Variants in SPNS3 observed in about 807,000 individuals in gnomAD.
SPNS3 encodes the protein protein spinster homolog 3.
Under a neutral mutation model 54.4 loss-of-function variants are expected in SPNS3, and 51 were observed. The observed-to-expected ratio is 0.94, with a 90% CI of 0.75 to 1.18. The LOEUF (loss-of-function observed/expected upper bound fraction) is 1.18, where lower values mean the gene tolerates loss of function less well. Among genes scored for constraint, SPNS3 ranks in the 50% most tolerant of loss-of-function variants. The pLI, the probability that SPNS3 is intolerant of heterozygous loss-of-function variation, is 0.00. For synonymous variants in SPNS3, 309 were observed against 294.7 expected, an observed-to-expected ratio of 1.05 and a Z score of -0.50; for missense variants, 669 against 677.4, an observed-to-expected ratio of 0.99 and a Z score of 0.14.
At chr17:4,445,666 C>A (rs928370099) in intron 3 of SPNS3, among the ~76,000 whole-genome samples, 2 of 152,114 alleles carry the variant, frequency 1.3e-5, no homozygotes, top group Non-Finnish European at 2.9e-5. Context: ...CGTGAGCCAC[C>A]ATGCCTGGCC....
At chr17:4,462,829 C>T in intron 8 of SPNS3, among the ~76,000 whole-genome samples, 1 of 145,082 alleles carries the variant, frequency 6.9e-6, no homozygotes, top group Non-Finnish European at 1.5e-5. Flanking sequence ...ATCCATCCAT[C>T]CATCCATTCA....
chr17:4,464,921 TC>T (rs1476012133), intron 8 of SPNS3, among the ~76,000 whole-genome samples: 1 of 152,166 alleles, frequency 6.6e-6, no homozygotes, highest in African/African-American at 2.4e-5. Context: ...CCTCAGGTGA[TC>T]CACCCGCCTC....
intron 7 of SPNS3, among the ~76,000 whole-genome samples, chr17:4,451,622 A>G (rs1157024377): frequency 6.6e-6 from 1 of 152,060 alleles, no homozygotes; most frequent in Non-Finnish European, 1.5e-5. Flanking sequence ...TCAAGAGTTC[A>G]CAGTGGGCAC....
chr17:4,434,386 A>G (rs985462653), intron 1 of SPNS3, among the ~76,000 whole-genome samples: 3 of 152,330 alleles, frequency 2.0e-5, no homozygotes, highest in Non-Finnish European at 4.4e-5. Flanking sequence ...CAGGCTGGGC[A>G]TGGTGGCTCC....
At chr17:4,437,714 G>GA (rs1296428587) in intron 1 of SPNS3, among the ~76,000 whole-genome samples, 2 of 150,300 alleles carry the variant, frequency 1.3e-5, no homozygotes, top group Non-Finnish European at 1.5e-5. Flanking sequence ...ATTAAAAGGG[G>GA]AAAAAGACAT....
At chr17:4,459,961 G>A (rs1221701842) in intron 8 of SPNS3, among the ~76,000 whole-genome samples, 1 of 152,110 alleles carries the variant, frequency 6.6e-6, no homozygotes, top group Non-Finnish European at 1.5e-5. Context: ...GCAATTTTTT[G>A]TAGGGTGGCC....
Position 4,486,937 on chromosome 17 carries a change from G to C in SPNS3, c.1450+354G>C, listed in dbSNP as rs548420565. 6.6e-6 allele frequency among the ~76,000 whole-genome samples: 1 copy of C among 152,074 alleles called. No individual in the cohort carries two copies. The highest frequency in any genetic ancestry group is 1.5e-5 in the Non-Finnish European group (1 of 68,000). ...ACCTGTAATCCCAGTACTTGGGGAG[G>C]CCAAGGCGGGCGGATTACAAGGTTA... On this transcript the variant is annotated intron_variant, in intron 11 of 11. Coordinates refer to ENST00000355530, the MANE Select transcript of SPNS3 (RefSeq NM_182538.5). This position sits in a 1 kb window ranked among gnomAD's most constrained non-coding sequence, Gnocchi z 5.5.
intron 8 of SPNS3, among the ~76,000 whole-genome samples, chr17:4,464,927 C>T (rs1180735285): frequency 6.6e-6 from 1 of 152,150 alleles, no homozygotes; most frequent in Non-Finnish European, 1.5e-5. Context: ...GTGATCCACC[C>T]GCCTCGGCCT....
chr17:4,456,593 T>C (rs1317147399), intron 8 of SPNS3, among the ~76,000 whole-genome samples: 1 of 152,198 alleles, frequency 6.6e-6, no homozygotes, highest in Non-Finnish European at 1.5e-5. Context: ...TGGCACGATC[T>C]AGACTCACTG....
chr17:4,448,848 A>G (rs912275383), intron 6 of SPNS3, among the ~76,000 whole-genome samples: 2 of 152,176 alleles, frequency 1.3e-5, no homozygotes, highest in African/African-American at 4.8e-5. Flanking sequence ...ACTCAGAGGA[A>G]GACAGGGCAG....
chr17:4,466,062 G>C (rs1357388621), intron 8 of SPNS3, among the ~76,000 whole-genome samples: 1 of 152,212 alleles, frequency 6.6e-6, no homozygotes, highest in African/African-American at 2.4e-5. Context: ...GATCTCAAAG[G>C]GCCAAGCCTA....
intron 8 of SPNS3, among the ~76,000 whole-genome samples, chr17:4,464,925 C>T (rs527681897): frequency 6.6e-6 from 1 of 152,322 alleles, no homozygotes; most frequent in East Asian, 1.9e-4. Flanking sequence ...AGGTGATCCA[C>T]CCGCCTCGGC....
intron 8 of SPNS3, among the ~76,000 whole-genome samples, chr17:4,471,948 T>C (rs1369427756): frequency 6.6e-6 from 1 of 151,846 alleles, no homozygotes; most frequent in African/African-American, 2.4e-5. Context: ...AACCTCCACC[T>C]CCTGGGTTCA....
intron 8 of SPNS3, among the ~76,000 whole-genome samples, chr17:4,455,144 C>G (rs2144079658): frequency 6.6e-6 from 1 of 152,110 alleles, no homozygotes; most frequent in South Asian, 2.1e-4. Context: ...AAACTCCTGA[C>G]CTCAGGCGAT....
At chr17:4,476,779 G>T (rs1260135220) in intron 8 of SPNS3, among the ~76,000 whole-genome samples, 1 of 152,174 alleles carries the variant, frequency 6.6e-6, no homozygotes, top group Non-Finnish European at 1.5e-5. Context: ...GGGTGCCAGG[G>T]ACCAGGCACT....
chr17:4,472,646 CAGTT>C (rs887161004), intron 8 of SPNS3, among the ~76,000 whole-genome samples: 6 of 152,072 alleles, frequency 3.9e-5, no homozygotes, highest in East Asian at 1.9e-4. Flanking sequence ...TGCTGGCTCT[CAGTT>C]AGGGACTACT....
intron 8 of SPNS3, among the ~76,000 whole-genome samples, chr17:4,467,540 A>G (rs1971713411): frequency 6.6e-6 from 1 of 152,080 alleles, no homozygotes; most frequent in Non-Finnish European, 1.5e-5. Flanking sequence ...CCTAGGCTAG[A>G]CCAGCTTCCT....
At chr17:4,439,825 C>T in intron 2 of SPNS3, 102 bp downstream of exon 2, 1 of 1,098,756 alleles carries the variant, frequency 9.1e-7, no homozygotes, top group Non-Finnish European at 1.3e-6. Context: ...CCCACTGGGT[C>T]CCCTGGCACA....
chr17:4,452,968 T>C (rs377726556), intron 7 of SPNS3, 48 bp from the exon 8 acceptor site: 5 of 1,571,638 alleles, frequency 3.2e-6, no homozygotes, highest in Non-Finnish European at 4.3e-6. Flanking sequence ...AGAGTCCCTA[T>C]GCTAAGCTCA....
Sources: allele counts gnomAD v4.1 joint callset (sites outside exome capture counted in the v4.1 genomes callset), GRCh38; gene constraint gnomAD v4.1.1; non-coding constraint Gnocchi (gnomAD v3.1); transcripts MANE v1.5; gene names NCBI Gene and HGNC (gene_info 2026-07-23, HGNC 2026-07-21).